The following RBFOX1 variants were observed in gnomAD, a reference collection of about 807,000 sequenced individuals.
RBFOX1 encodes the protein RNA binding fox-1 homolog 1, also known as RNA binding protein fox-1 homolog 1.
Under a neutral mutation model 57.7 loss-of-function variants are expected in RBFOX1, and 8 were observed. The observed-to-expected ratio is 0.14, with a 90% CI of 0.08 to 0.25. The LOEUF is 0.25. Ranked by LOEUF, RBFOX1 falls within the 10% of genes least tolerant of loss-of-function variation. RBFOX1 has a pLI of 1.00. For missense variants in RBFOX1, 611 were observed against 548.5 expected (o/e 1.11, Z -1.14); for synonymous variants, 326 against 222.4 (o/e 1.47, Z -4.15).
intron 2 of RBFOX1, among the ~76,000 whole-genome samples, chr16:6,536,626 A>G (rs1031617729): frequency 1.3e-5 from 2 of 152,116 alleles, no homozygotes; most frequent in African/African-American, 4.8e-5. Flanking sequence ...TTGGCAGCAA[A>G]CAGAAGTGTT....
At chr16:6,576,387 G>A (rs1031712515) in intron 2 of RBFOX1, among the ~76,000 whole-genome samples, 1 of 152,190 alleles carries the variant, frequency 6.6e-6, no homozygotes, top group Non-Finnish European at 1.5e-5. Flanking sequence ...CAGACATGGG[G>A]AGAAGATGCC....
chr16:5,255,588 C>G lies in RBFOX1; in HGVS notation c.219+15483C>G, dbSNP rs529062964. On this transcript the variant is annotated intron_variant, in intron 1 of 2. Coordinates refer to the RBFOX1 transcript ENST00000585867. ...CCCGTCCATCCATTTATCTATCCCTCCACCCATTCACCCACTCATCCATTT... is the reference window on the plus strand; with the variant it reads ...CCCGTCCATCCATTTATCTATCCCTGCACCCATTCACCCACTCATCCATTT... 9.2e-5 allele frequency among the ~76,000 whole-genome samples: 14 copies of G among 152,088 alleles called. No individual in the cohort carries two copies. In the South Asian group the frequency reaches 2.7e-3, roughly 29 times the overall value.
At chr16:7,378,278 C>T (rs1477475322) in intron 4 of RBFOX1, among the ~76,000 whole-genome samples, 3 of 152,052 alleles carry the variant, frequency 2.0e-5, no homozygotes, top group Non-Finnish European at 2.9e-5. Context: ...CAAGGAGGAT[C>T]GGGAGGCAAG....
intron 3 of RBFOX1, among the ~76,000 whole-genome samples, chr16:6,812,786 C>T (rs1053320160): frequency 6.6e-6 from 1 of 152,106 alleles, no homozygotes; most frequent in Non-Finnish European, 1.5e-5. Context: ...CGGCATTTTC[C>T]TTGTGGACCT....
At position 6,232,363 on chromosome 16, in the gene RBFOX1, C is replaced by T. The variant is rs568930846; in HGVS notation, c.-126-84632C>T. Reference sequence around the variant, plus strand: ...CAGCTAATTCTCAAAGAAGGGAGGGCTTCCCTGGATTATAAAATATGTGTT... The same window carrying T: ...CAGCTAATTCTCAAAGAAGGGAGGGTTTCCCTGGATTATAAAATATGTGTT... On this transcript the variant is annotated intron_variant, in intron 1 of 15. Transcript: ENST00000550418. 2.2e-4 allele frequency among the ~76,000 whole-genome samples: 34 copies of T among 152,296 alleles called. No individual in the cohort carries two copies. The South Asian group carries it at 6.8e-3, about 31-fold the overall frequency.
At chr16:5,438,044 A>T (rs1233920986) in intron 1 of RBFOX1, among the ~76,000 whole-genome samples, 1 of 152,218 alleles carries the variant, frequency 6.6e-6, no homozygotes, top group African/African-American at 2.4e-5. Flanking sequence ...TAAATGCAAA[A>T]GCTGAATAGG....
intron 1 of RBFOX1, among the ~76,000 whole-genome samples, chr16:6,062,623 T>TAATATATAACATATAC (rs1300606204): frequency 6.8e-6 from 1 of 147,026 alleles, no homozygotes; most frequent in Non-Finnish European, 1.5e-5. Flanking sequence ...TATATAAATA[T>TAATATATAACATATAC]ATATAACATA....
Position 6,759,007 on chromosome 16 carries a change from G to A in RBFOX1, c.-16+104357G>A, listed in dbSNP as rs571927560. Among the ~76,000 whole-genome samples the A allele has an allele frequency of 2.8e-4, 42 of 152,206 alleles. 1 individual carries two copies. In the East Asian group the frequency reaches 7.3e-3, roughly 27 times the overall value. On this transcript the variant is annotated intron_variant, in intron 3 of 15. Coordinates refer to ENST00000550418, the MANE Select transcript of RBFOX1 (RefSeq NM_018723.4). ...CTTAAATCTATTCAGACAATGATGA[G>A]CTAGTCATATTGTCACAAGAATAGG...
At chr16:7,025,310 C>T (rs924348706) in intron 3 of RBFOX1, among the ~76,000 whole-genome samples, 16 of 152,076 alleles carry the variant, frequency 1.1e-4, no homozygotes, top group African/African-American at 2.2e-4. Flanking sequence ...GCAGTGAGGA[C>T]GACCAGAGGT....
At chr16:6,355,776 C>G (rs1208449599) in intron 2 of RBFOX1, among the ~76,000 whole-genome samples, 1 of 152,182 alleles carries the variant, frequency 6.6e-6, no homozygotes, top group Non-Finnish European at 1.5e-5. Flanking sequence ...TCCTATTTCT[C>G]CACATCCTCT....
In RBFOX1 at chr16:6,774,112, A is replaced by G; in HGVS notation, c.-16+119462A>G. Reference sequence around the variant, plus strand: ...AATTACCAAGAATTGGACTTTTTGTAAAATACCAAGTTATCGGAACAAAGA... The same window carrying G: ...AATTACCAAGAATTGGACTTTTTGTGAAATACCAAGTTATCGGAACAAAGA... On this transcript the variant is annotated intron_variant, in intron 3 of 15. Transcript: ENST00000550418. 6.1e-6 allele frequency: 4 copies of G among 657,688 alleles called. No individual in the cohort carries two copies. In the South Asian group the frequency reaches 2.0e-4, roughly 33 times the overall value. The allele number at this position is 657,688 out of a possible 1,614,324, so 40.7% of individuals were successfully genotyped here. A position where few individuals can be genotyped will look rare whatever the true frequency, so the allele number is the denominator to read the frequency against.
chr16:5,487,674 A>T (rs1013972187), intron 2 of RBFOX1, among the ~76,000 whole-genome samples: 1 of 152,176 alleles, frequency 6.6e-6, no homozygotes. Flanking sequence ...GGCACAACTA[A>T]TGGTTATGTC....
intron 3 of RBFOX1, among the ~76,000 whole-genome samples, chr16:6,804,623 C>A (rs1042296911): frequency 2.0e-5 from 3 of 152,084 alleles, no homozygotes; most frequent in Non-Finnish European, 2.9e-5. Flanking sequence ...TGTGTTCTTT[C>A]ATTAGGATGT....
rs183866851 is a variant in RBFOX1 at position 7,228,712 on chromosome 16, G to A, written c.27+176614G>A. 2.5e-3 allele frequency among the ~76,000 whole-genome samples: 378 copies of A among 152,278 alleles called. 3 individuals carry two copies. Among genetic ancestry groups the A allele is most frequent in the Middle Eastern group, 0.02 (6 of 294 alleles). On this transcript the variant is annotated intron_variant, in intron 4 of 15. Coordinates refer to ENST00000550418, the MANE Select transcript of RBFOX1 (RefSeq NM_018723.4). The stretch of plus-strand genomic sequence containing the variant: ...CAGTCAAAGCTCAATTCAGGACGAC[G>A]TGAAAGAACATTAATTCCAAGGTGA...
chr16:5,475,024 G>A (rs1422694109), intron 2 of RBFOX1, among the ~76,000 whole-genome samples: 2 of 152,142 alleles, frequency 1.3e-5, no homozygotes, highest in Non-Finnish European at 2.9e-5. Flanking sequence ...GTAGGCCTGG[G>A]CATGCTACCC....
At chr16:7,045,539 C>G in intron 3 of RBFOX1, among the ~76,000 whole-genome samples, 1 of 152,278 alleles carries the variant, frequency 6.6e-6, no homozygotes, top group South Asian at 2.1e-4. Context: ...TGGCACAAGT[C>G]AGAGGTCAGT....
At chr16:7,555,717 G>C (rs2088179821) in intron 5 of RBFOX1, among the ~76,000 whole-genome samples, 2 of 152,136 alleles carry the variant, frequency 1.3e-5, no homozygotes, top group South Asian at 4.2e-4. Context: ...TCTGGGACTG[G>C]GCTATTATTG....
intron 4 of RBFOX1, among the ~76,000 whole-genome samples, chr16:7,344,031 G>C (rs976376715): frequency 6.6e-6 from 1 of 150,926 alleles, no homozygotes; most frequent in African/African-American, 2.4e-5. Flanking sequence ...ATATAGGGAA[G>C]CCAATACCTT....
intron 1 of RBFOX1, among the ~76,000 whole-genome samples, chr16:5,394,681 T>A (rs1432198177): frequency 6.6e-6 from 1 of 151,664 alleles, no homozygotes; most frequent in Non-Finnish European, 1.5e-5. Flanking sequence ...CCTAAGTAGC[T>A]GAGACTACAG....
Sources: allele counts gnomAD v4.1 joint callset (sites outside exome capture counted in the v4.1 genomes callset), GRCh38; gene constraint gnomAD v4.1.1; transcripts MANE v1.5; gene names NCBI Gene and HGNC (gene_info 2026-07-23, HGNC 2026-07-21).